DCLK1: variants seen among roughly 807,000 people sequenced by gnomAD.
DCLK1 encodes doublecortin like kinase 1, also known as serine/threonine-protein kinase DCLK1.
A neutral mutation model predicts 86.2 loss-of-function variants in DCLK1; 16 were observed. That is an observed-to-expected ratio of 0.19 (90% CI 0.13 to 0.28). The LOEUF (loss-of-function observed/expected upper bound fraction) is 0.28, where lower values mean the gene tolerates loss of function less well. Among genes scored for constraint, DCLK1 ranks in the 10% least tolerant of loss-of-function variants. The pLI, the probability that DCLK1 is intolerant of heterozygous loss-of-function variation, is 1.00. For synonymous variants in DCLK1, 369 were observed against 370.5 expected (o/e 1.00, Z 0.05); for missense variants, 590 against 940.2 (o/e 0.63, Z 4.87).
chr13:35,885,013 C>T (rs952831868), intron 4 of DCLK1, among the ~76,000 whole-genome samples: 11 of 152,042 alleles, frequency 7.2e-5, no homozygotes, highest in South Asian at 2.1e-4. Context: ...ACCAGGTCAG[C>T]GAAAACAGGA....
intron 2 of DCLK1, among the ~76,000 whole-genome samples, chr13:36,116,945 T>C (rs1421624155): frequency 6.6e-6 from 1 of 152,238 alleles, no homozygotes. Context: ...CATTTCATAA[T>C]CTACCTGGAA....
intron 4 of DCLK1, among the ~76,000 whole-genome samples, chr13:35,929,638 C>G (rs1342953568): frequency 6.6e-6 from 1 of 152,218 alleles, no homozygotes; most frequent in African/African-American, 2.4e-5. Context: ...CTACTCTAAG[C>G]AAACATGTAT....
At chr13:36,129,806 C>G (rs902513579) in intron 1 of DCLK1, among the ~76,000 whole-genome samples, 1 of 152,034 alleles carries the variant, frequency 6.6e-6, no homozygotes, top group Non-Finnish European at 1.5e-5. Flanking sequence ...GCCACTGGCT[C>G]TCATCAGAGC....
chr13:35,789,839 G>A (rs1274091654), intron 16 of DCLK1, among the ~76,000 whole-genome samples: 1 of 151,768 alleles, frequency 6.6e-6, no homozygotes, highest in Admixed American at 6.6e-5. Flanking sequence ...TTCATTTCAT[G>A]TCTATAAATT....
intron 4 of DCLK1, among the ~76,000 whole-genome samples, chr13:35,922,638 T>C (rs190148326): frequency 6.6e-6 from 1 of 152,322 alleles, no homozygotes; most frequent in Non-Finnish European, 1.5e-5. Flanking sequence ...TTATTATTAA[T>C]ACAGCTTGGA....
chr13:35,788,382 T>C lies in DCLK1; in HGVS notation c.2058+4984A>G, dbSNP rs555970562. 141 of 1,100,984 alleles carry C rather than the reference T, an allele frequency of 1.3e-4. No homozygotes were observed. The African/African-American group carries it at 2.0e-3, about 15-fold the overall frequency. The allele number at this position is 1,100,984 out of a possible 1,614,324, so 68.2% of individuals were successfully genotyped here. ...GTTCTTCATTGATTCTATATGTATA[T>C]ATAGTTACGATGCCTCTTCTGCAGG... On this transcript the variant is annotated intron_variant, in intron 16 of 16. Transcript: ENST00000360631.
chr13:35,871,382 G>T, intron 4 of DCLK1, 42 bp from the exon 5 acceptor site: 1 of 1,460,798 alleles, frequency 6.8e-7, no homozygotes, highest in Non-Finnish European at 9.6e-7. Context: ...TGGGGTAATG[G>T]CACACACACA....
rs780022912 is a variant in DCLK1, at chr13:35,793,395, T to C, written c.2029A>G (p.Ser677Gly). ...KHFNTGPKPN[S>G]TAAGVSVIAT... ...ATGACAGAAACTCCAGCTGCTGTGC[T>C]ATTCGGCTTGGGGCCTGTGTTGAAA... is the stretch of plus-strand genomic sequence containing the variant. Residue 677 changes from serine (S) to glycine (G), a missense_variant, in exon 16 of 17, where the codon AGC becomes GGC. By Grantham distance (56) the Ser-to-Gly change is moderately conservative. Coordinates refer to ENST00000360631, the MANE Select transcript of DCLK1 (RefSeq NM_001330071.2). 4 of 1,609,046 alleles carry C rather than the reference T, an allele frequency of 2.5e-6. No individual in the cohort carries two copies. Among genetic ancestry groups the C allele is most frequent in the Non-Finnish European group, 3.4e-6 (4 of 1,177,436 alleles).
chr13:35,909,345 G>A (rs924964450), intron 4 of DCLK1, among the ~76,000 whole-genome samples: 2 of 152,160 alleles, frequency 1.3e-5, no homozygotes, highest in Non-Finnish European at 2.9e-5. Context: ...AATGGAAGAC[G>A]CTGTACATGT....
chr13:35,795,235 C>T (rs1265573797), intron 15 of DCLK1, among the ~76,000 whole-genome samples: 7 of 152,074 alleles, frequency 4.6e-5, no homozygotes, highest in South Asian at 2.1e-4. Context: ...ATTTGGTGTG[C>T]GGTGTGTGCA....
intron 3 of DCLK1, among the ~76,000 whole-genome samples, chr13:36,095,178 TTTTTTTTG>T (rs758831108): frequency 8.3e-5 from 11 of 133,026 alleles, no homozygotes; most frequent in Non-Finnish European, 1.1e-4. Context: ...TCTTTGTTTT[TTTTTTTTG>T]TTTTTTTTGT....
At chr13:35,875,343 C>T (rs1444775299) in intron 4 of DCLK1, among the ~76,000 whole-genome samples, 2 of 152,168 alleles carry the variant, frequency 1.3e-5, no homozygotes, top group African/African-American at 4.8e-5. Flanking sequence ...AGATGGTACA[C>T]ATTGTTCATA....
chr13:36,037,101 G>A (rs1178250998), intron 3 of DCLK1, among the ~76,000 whole-genome samples: 1 of 152,190 alleles, frequency 6.6e-6, no homozygotes, highest in Non-Finnish European at 1.5e-5. Context: ...CAACATGAAT[G>A]GAACTGGAGG....
At position 36,013,061 on chromosome 13, in the gene DCLK1, C is replaced by G. The variant is rs1171001; in HGVS notation, c.724-65604G>C. Among the ~76,000 whole-genome samples the G allele has an allele frequency of 3.7e-3, 255 of 69,304 alleles. 3 individuals are homozygous for G. The highest frequency in any genetic ancestry group is 0.014 in the African/African-American group (238 of 17,044). 45.5% of individuals were successfully genotyped at this position (69,304 alleles called of 152,430 possible). Reference sequence around the variant, plus strand: ...TGCATTCTTCACGTAGTTCTCGAGCCTTGGTTTTCAGCTCCATCAGCTCCT... The same window carrying G: ...TGCATTCTTCACGTAGTTCTCGAGCGTTGGTTTTCAGCTCCATCAGCTCCT... On this transcript the variant is annotated intron_variant, in intron 3 of 16. Transcript: ENST00000360631.
intron 3 of DCLK1, among the ~76,000 whole-genome samples, chr13:35,998,694 A>G (rs1271968343): frequency 1.3e-5 from 2 of 152,024 alleles, no homozygotes; most frequent in East Asian, 3.9e-4. Flanking sequence ...TTTGTCAAAC[A>G]TAAGATAATG....
intron 3 of DCLK1, among the ~76,000 whole-genome samples, chr13:35,956,817 A>G (rs77857953): frequency 0.027 from 4,129 of 152,264 alleles, 221 homozygotes; most frequent in East Asian, 0.23. Context: ...TACTTTCTCT[A>G]AAAAATTTTA....
chr13:35,954,345 C>T (rs1443165872), intron 3 of DCLK1, among the ~76,000 whole-genome samples: 1 of 152,106 alleles, frequency 6.6e-6, no homozygotes, highest in Admixed American at 6.6e-5. Context: ...TGGGGCTCCT[C>T]GTCCTGCCAA....
intron 3 of DCLK1, among the ~76,000 whole-genome samples, chr13:36,007,518 T>C (rs1207121710): frequency 1.3e-5 from 2 of 152,266 alleles, no homozygotes; most frequent in Non-Finnish European, 2.9e-5. Flanking sequence ...TGAGTAGAGA[T>C]GAATATTGCA....
chr13:35,887,823 G>A (rs1873375643), intron 4 of DCLK1, among the ~76,000 whole-genome samples: 1 of 139,602 alleles, frequency 7.2e-6, no homozygotes, highest in Non-Finnish European at 1.5e-5. Context: ...ACTGAGGTGG[G>A]AGGATCTCTT....
Sources: gnomAD v4.1 joint callset for allele counts (sites outside exome capture counted in the v4.1 genomes callset) on GRCh38, gnomAD v4.1.1 for gene constraint, MANE v1.5 for transcripts, NCBI Gene and HGNC (gene_info 2026-07-23, HGNC 2026-07-21) for gene names.